The following ACYP2 variants were observed in gnomAD, a reference collection of about 807,000 sequenced individuals.
The protein encoded by ACYP2 is acylphosphatase 2.
In ACYP2, 12 loss-of-function variants were observed where a neutral mutation model predicts 11.2. The ratio of observed to expected loss-of-function variants is 1.08; its 90% CI spans 0.69 to 1.74. The LOEUF is 1.74. Among genes scored for constraint, ACYP2 ranks in the 40% most tolerant of loss-of-function variants. The probability of loss-of-function intolerance (pLI) is 0.00; values close to 1 mark genes in which losing one functional copy is unlikely to be tolerated. For missense variants in ACYP2, 134 were observed against 101.9 expected, an observed-to-expected ratio of 1.31 and a Z score of -1.35; for synonymous variants, 43 against 32.2, an observed-to-expected ratio of 1.33 and a Z score of -1.13.
chr2:54,032,200 C>T (rs527320769), intron 2 of ACYP2, among the ~76,000 whole-genome samples: 8 of 152,200 alleles, frequency 5.3e-5, no homozygotes, highest in African/African-American at 1.9e-4. Context: ...AAGTCCTTGC[C>T]CATGCCTATG....
chr2:54,005,386 C>T (rs1324783188), intron 2 of ACYP2, among the ~76,000 whole-genome samples: 2 of 149,654 alleles, frequency 1.3e-5, no homozygotes, highest in Non-Finnish European at 3.0e-5. Context: ...GTTTCCCAGG[C>T]TGGAGTGTAA....
intron 6 of ACYP2, among the ~76,000 whole-genome samples, chr2:54,285,083 A>T (rs1689019982): frequency 6.6e-6 from 1 of 152,166 alleles, no homozygotes; most frequent in South Asian, 2.1e-4. Context: ...GCTCTGCTTC[A>T]AAGATTTTGC....
chr2:54,207,843 T>C (rs1264249485), intron 6 of ACYP2, among the ~76,000 whole-genome samples: 1 of 152,208 alleles, frequency 6.6e-6, no homozygotes, highest in Admixed American at 6.5e-5. Context: ...GTTTGTTCTT[T>C]GAAACTCAGC....
intron 4 of ACYP2, among the ~76,000 whole-genome samples, chr2:54,091,259 T>C (rs1394776539): frequency 6.6e-6 from 1 of 152,248 alleles, no homozygotes; most frequent in East Asian, 1.9e-4. Context: ...CATGTGTATA[T>C]TGGGGTGGGG....
intron 2 of ACYP2, among the ~76,000 whole-genome samples, chr2:53,984,234 A>G (rs1159682352): frequency 6.6e-6 from 1 of 152,152 alleles, no homozygotes; most frequent in Non-Finnish European, 1.5e-5. Context: ...CACCAAAACT[A>G]GGTGAGGAAA....
rs368590224 is a variant in ACYP2 at position 53,988,896 on chromosome 2, G to A, written c.62+15086G>A. Among the ~76,000 whole-genome samples the A allele has an allele frequency of 1.4e-4, 22 of 151,960 alleles. No homozygotes were observed. The East Asian group carries it at 3.5e-3, about 24-fold the overall frequency. ...TTAGCAGCTGGGATTACAGGTGCGC[G>A]CTACCATGCCCACCTATTTTTATTG... is the stretch of plus-strand genomic sequence containing the variant. On this transcript the variant is annotated intron_variant, in intron 2 of 6. Transcript: ENST00000607452.
At chr2:54,004,932 A>G (rs565998867) in intron 2 of ACYP2, among the ~76,000 whole-genome samples, 1 of 151,736 alleles carries the variant, frequency 6.6e-6, no homozygotes, top group South Asian at 2.1e-4. Context: ...AAAGAAAAGA[A>G]AAGAGCTCTT....
chr2:54,005,849 TA>T (rs1673037611), intron 2 of ACYP2, among the ~76,000 whole-genome samples: 1 of 152,246 alleles, frequency 6.6e-6, no homozygotes, highest in Non-Finnish European at 1.5e-5. Flanking sequence ...ATCAGTTGGT[TA>T]AAAATCACCA....
intron 6 of ACYP2, among the ~76,000 whole-genome samples, chr2:54,200,653 C>T (rs1468371732): frequency 1.3e-5 from 2 of 152,180 alleles, no homozygotes; most frequent in Non-Finnish European, 2.9e-5. Context: ...ATCCATTCAT[C>T]AGTTGATGGA....
Position 54,266,590 on chromosome 2 carries a change from C to CTTTTTTTTTTTTTTT in ACYP2, c.405-38079_405-38065dup, listed in dbSNP as rs138812389. Among the ~76,000 whole-genome samples the CTTTTTTTTTTTTTTT allele has an allele frequency of 6.1e-4, 32 of 52,270 alleles. 3 individuals are homozygous for CTTTTTTTTTTTTTTT. Among genetic ancestry groups the CTTTTTTTTTTTTTTT allele is most frequent in the Non-Finnish European group, 7.7e-4 (23 of 29,942 alleles). The allele number at this position is 52,270 out of a possible 152,430, so 34.3% of individuals were successfully genotyped here. A position where few individuals can be genotyped will look rare whatever the true frequency, so the allele number is the denominator to read the frequency against. On this transcript the variant is annotated intron_variant, in intron 6 of 6. Coordinates refer to ENST00000607452, the MANE Select transcript of ACYP2 (RefSeq NM_001320586.2). ...TAGATAGATATAGATATCTATCTAT[C>CTTTTTTTTTTTTTTT]TTTTTTTTTTTTTTTTTTTTTTTTT...
intron 4 of ACYP2, among the ~76,000 whole-genome samples, chr2:54,076,759 A>G (rs1295021212): frequency 6.6e-6 from 1 of 152,074 alleles, no homozygotes; most frequent in Non-Finnish European, 1.5e-5. Context: ...CTTGGCCTGG[A>G]GTGGAGGTGG....
At chr2:54,190,716 G>T (rs1009355737) in intron 6 of ACYP2, among the ~76,000 whole-genome samples, 2 of 151,954 alleles carry the variant, frequency 1.3e-5, no homozygotes, top group African/African-American at 4.8e-5. Flanking sequence ...ATGGCTTTCA[G>T]TCTCCTCTAT....
At chr2:53,975,496 A>T in intron 2 of ACYP2, 1 of 380,520 alleles carries the variant, frequency 2.6e-6, no homozygotes. Context: ...CCAACTTGTT[A>T]TCTCTTGAAG....
chr2:54,221,615 G>A (rs1342457887), intron 6 of ACYP2, among the ~76,000 whole-genome samples: 2 of 149,092 alleles, frequency 1.3e-5, no homozygotes, highest in South Asian at 2.1e-4. Context: ...CTGCTTCCCA[G>A]GTTCAAGCGA....
chr2:54,304,575 G>A, intron 6 of ACYP2, 113 bp from the exon 4 acceptor site: 1 of 630,066 alleles, frequency 1.6e-6, no homozygotes, highest in Non-Finnish European at 2.7e-6. Context: ...TCACATATAT[G>A]CAAAAATTAC....
At chr2:54,265,885 A>T (rs1357466052) in intron 6 of ACYP2, among the ~76,000 whole-genome samples, 2 of 152,242 alleles carry the variant, frequency 1.3e-5, no homozygotes, top group East Asian at 3.8e-4. Context: ...AGTATTTGAT[A>T]AATATTGGCT....
At chr2:54,118,043 T>C (rs933982100) in intron 4 of ACYP2, among the ~76,000 whole-genome samples, 1 of 152,244 alleles carries the variant, frequency 6.6e-6, no homozygotes, top group Non-Finnish European at 1.5e-5. Context: ...CATTCATGAG[T>C]TACTTCACTT....
intron 6 of ACYP2, among the ~76,000 whole-genome samples, chr2:54,199,418 G>T (rs1002691773): frequency 1.3e-5 from 2 of 152,200 alleles, no homozygotes; most frequent in Non-Finnish European, 2.9e-5. Context: ...GATGGTGACA[G>T]CAGAGCATCA....
At chr2:54,072,498 TC>T (rs1677103456) in intron 4 of ACYP2, among the ~76,000 whole-genome samples, 1 of 110,568 alleles carries the variant, frequency 9.0e-6, no homozygotes, top group Non-Finnish European at 2.0e-5. Context: ...TTTCTTTCTT[TC>T]TCTCTCTCTC....
Sources: gnomAD v4.1 joint callset for allele counts (sites outside exome capture counted in the v4.1 genomes callset) on GRCh38, gnomAD v4.1.1 for gene constraint, MANE v1.5 for transcripts, NCBI Gene and HGNC (gene_info 2026-07-23, HGNC 2026-07-21) for gene names.